DGKQ: variants seen among roughly 807,000 people sequenced by gnomAD.
The protein encoded by DGKQ is diacylglycerol kinase theta.
A neutral mutation model predicts 104.2 loss-of-function variants in DGKQ; 97 were observed. The ratio of observed to expected loss-of-function variants is 0.93; its 90% CI spans 0.79 to 1.10. DGKQ has a LOEUF of 1.10. Ranked by LOEUF, DGKQ falls within the 50% of genes least tolerant of loss-of-function variation. The pLI is 0.00. For synonymous variants in DGKQ, 736 were observed against 595.2 expected, an observed-to-expected ratio of 1.24 and a Z score of -3.44; for missense variants, 1,465 against 1,352.1, an observed-to-expected ratio of 1.08 and a Z score of -1.31.
At chr4:963,419 G>A in intron 15 of DGKQ, 129 bp from the exon 16 acceptor site, 1 of 779,628 alleles carries the variant, frequency 1.3e-6, no homozygotes, top group Non-Finnish European at 2.0e-6. Flanking sequence ...CCCCAGGAAG[G>A]CGTGGCCAGC....
rs768455749 is a variant in DGKQ, at chr4:961,638, G to A, written c.2462+50C>T. On this transcript the variant is annotated intron_variant, in intron 20 of 22. Transcript: ENST00000273814. ...TGCAGGCAGGACGAGGGCTGAGCCT[G>A]CCCATGGCCCCGCCGGGCAGAGCCT... 3.7e-6 allele frequency: 6 copies of A among 1,610,874 alleles called. No homozygotes were observed. The South Asian group carries it at 6.6e-5, about 18-fold the overall frequency.
intron 2 of DGKQ, among the ~76,000 whole-genome samples, chr4:970,112 T>G (rs572965451): frequency 2.0e-5 from 3 of 152,334 alleles, no homozygotes; most frequent in Admixed American, 6.5e-5. Flanking sequence ...GCCTAAGGCC[T>G]CCTGCTCACA....
At position 962,781 on chromosome 4, in the gene DGKQ, G is replaced by A. The variant is rs763389526; in HGVS notation, c.2026C>T (p.Leu676=). The A allele has an allele frequency of 1.1e-5, 18 of 1,605,474 alleles. No homozygotes were observed. The East Asian group carries it at 4.0e-4, about 36-fold the overall frequency. The change falls in exon 17 of 23, where the codon CTG becomes TTG. Residue 676 remains leucine (L), a synonymous_variant. Coordinates refer to ENST00000273814, the MANE Select transcript of DGKQ (RefSeq NM_001347.4). ...CPEPSVAILP[L]GTGNDLGRVL... ...GCACGGCTGAGCCCACCTGTGCCCAGGGGCAGGATGGCCACAGAAGGCTCC... is the reference window on the plus strand; with the variant it reads ...GCACGGCTGAGCCCACCTGTGCCCAAGGGCAGGATGGCCACAGAAGGCTCC...
chr4:960,780 C>A, intron 22 of DGKQ, 59 bp from the exon 23 acceptor site: 1 of 1,584,640 alleles, frequency 6.3e-7, no homozygotes. Flanking sequence ...GAACGGTACA[C>A]GGGCAGCCCC....
rs746674825 is a variant in DGKQ at position 961,833 on chromosome 4, G to A, written c.2317C>T (p.Leu773=). 9 of 1,597,772 alleles carry A rather than the reference G, an allele frequency of 5.6e-6. No individual in the cohort carries two copies. In the South Asian group the frequency reaches 9.0e-5, roughly 16 times the overall value. The change falls in exon 20 of 23, where the codon CTG becomes TTG. Residue 773 remains leucine, a splice_region_variant and synonymous_variant. Transcript: ENST00000273814. The part of the protein sequence containing the change: ...EEEPGKFTSR[L]HNKGVYVRVG... ...CGCACGTACACACCCTTGTTGTGCAGCCTGCAGGACGGGGCAGGTCACCCA... is the reference window on the plus strand; with the variant it reads ...CGCACGTACACACCCTTGTTGTGCAACCTGCAGGACGGGGCAGGTCACCCA...
At position 965,970 on chromosome 4, in the gene DGKQ, C is replaced by G; in HGVS notation, c.1537G>C (p.Glu513Gln). The change falls in exon 13 of 23, where the codon GAG becomes CAG. Residue 513 changes from glutamate (E) to glutamine (Q), a missense_variant. Glu to Gln is a conservative substitution (Grantham distance 29). Transcript: ENST00000273814. ...TCATGCAGCAGGCTGCTGTACTCCT[C>G]GGGAGACAGGCCGGGAGGCAGGCCG... Reference protein sequence around the residue: ...VGGLPPGLSPEEYSSLLHEAG... With the variant: ...VGGLPPGLSPQEYSSLLHEAG... 2 of 1,605,286 alleles carry G rather than the reference C, an allele frequency of 1.2e-6. No individual in the cohort carries two copies. Among genetic ancestry groups the G allele is most frequent in the Non-Finnish European group, 1.7e-6 (2 of 1,176,680 alleles).
intron 21 of DGKQ, 91 bp from the exon 22 acceptor site, chr4:961,292 G>T: frequency 1.6e-6 from 2 of 1,267,566 alleles, no homozygotes; most frequent in South Asian, 1.6e-5. Context: ...GCCGAGCAGG[G>T]ACCAGGGACG....
At chr4:961,667 G>A (rs762431978) in intron 20 of DGKQ, 21 bp downstream of exon 20, 9 of 1,612,016 alleles carry the variant, frequency 5.6e-6, no homozygotes, top group South Asian at 1.1e-5. Context: ...AGAGCCTCTG[G>A]GGAGCCCCGC....
intron 1 of DGKQ, among the ~76,000 whole-genome samples, chr4:972,228 C>T (rs754611172): frequency 6.6e-6 from 1 of 152,112 alleles, no homozygotes; most frequent in Non-Finnish European, 1.5e-5. Flanking sequence ...GCTGCCTCAG[C>T]CACACATGCA....
In DGKQ at chr4:962,502, G is replaced by A. The variant is rs771866239; in HGVS notation, c.2147C>T (p.Thr716Ile). ...AGCCTCGTGGGCATCCAGCAGGATG[G>A]TCCAGCGGTCCATGAGCACGGCGTC... ...EADAVLMDRW[T>I]ILLDAHEAGS... Residue 716 changes from threonine to isoleucine, a missense_variant, in exon 18 of 23, where the codon ACC becomes ATC. Transcript: ENST00000273814. 3 of 1,609,330 alleles carry A rather than the reference G, an allele frequency of 1.9e-6. No homozygotes were observed. Among genetic ancestry groups the A allele is most frequent in the Admixed American group, 1.7e-5 (1 of 59,986 alleles).
At chr4:970,252 C>G (rs562597493) in intron 2 of DGKQ, among the ~76,000 whole-genome samples, 1 of 152,266 alleles carries the variant, frequency 6.6e-6, no homozygotes, top group Non-Finnish European at 1.5e-5. Flanking sequence ...GCCTGCCTCG[C>G]GGCCTGCGCC....
At position 960,618 on chromosome 4, in the gene DGKQ, C is replaced by G; in HGVS notation, c.*2G>C. 1 of 1,610,386 alleles carries G rather than the reference C, an allele frequency of 6.2e-7. No homozygotes were observed. The highest frequency in any genetic ancestry group is 2.2e-5 in the East Asian group (1 of 44,838). On this transcript the variant is annotated 3_prime_UTR_variant, in exon 23 of 23. Transcript: ENST00000273814. ...CGAGCCCTTGGGCTGCCCCAGCCAC[C>G]CCTACCTAGGATCGCTCTCAGGGGC...
rs566191329 is a variant in DGKQ, at chr4:963,479, G to A, written c.1735-189C>T. Among the ~76,000 whole-genome samples, 227 of 152,238 alleles carry A rather than the reference G, an allele frequency of 1.5e-3. 1 individual carries two copies. The highest frequency in any genetic ancestry group is 2.1e-3 in the African/African-American group (88 of 41,544). ...ATGAGCTGCGTGGTCACCCCATCTC[G>A]CTGCTGGCCAGCAGGGCGGCACTGA... On this transcript the variant is annotated intron_variant, in intron 15 of 22. Transcript: ENST00000273814.
At chr4:972,267 C>T (rs949208499) in intron 1 of DGKQ, among the ~76,000 whole-genome samples, 1 of 152,116 alleles carries the variant, frequency 6.6e-6, no homozygotes, top group Admixed American at 6.5e-5. Flanking sequence ...AAGCCCCTGG[C>T]ATCCCCAGGC....
In DGKQ at chr4:967,773, C is replaced by G; in HGVS notation, c.841G>C (p.Ala281Pro). Residue 281 changes from alanine (A) to proline (P), a missense_variant, in exon 7 of 23, where the codon GCT (alanine) becomes CCT (proline). Physicochemically the swap from Ala to Pro is conservative, Grantham distance 27. Transcript: ENST00000273814. The stretch of plus-strand genomic sequence containing the variant: ...GTCTCTCTGCCTGGACCCACGGCAG[C>G]GCTCCCGTCGGCGCCGTCGCCCCCC... Reference protein sequence around the residue: ...GEGGDGADGSAAVGPGRETQA... With the variant: ...GEGGDGADGSPAVGPGRETQA... 1 of 1,607,204 alleles carries G rather than the reference C, an allele frequency of 6.2e-7. No homozygotes were observed.
At chr4:968,455 G>T (rs1272927258) in intron 4 of DGKQ, 24 bp downstream of exon 4, 14 of 1,596,548 alleles carry the variant, frequency 8.8e-6, no homozygotes, top group Non-Finnish European at 1.1e-5. Flanking sequence ...ACCCCCCAGG[G>T]CTCCCTGGGG....
Position 961,121 on chromosome 4 carries a change from G to A in DGKQ, c.2655C>T (p.Thr885=), listed in dbSNP as rs1298047547. 1.9e-6 allele frequency: 3 copies of A among 1,610,982 alleles called. No homozygotes were observed. Among genetic ancestry groups the A allele is most frequent in the African/African-American group, 2.7e-5 (2 of 74,960 alleles). The part of the protein sequence containing the change: ...SYFRVTLLKA[T]PVQVDGEPWV... ...AGGGCTCCCCGTCCACCTGCACCGG[G>A]GTGGCCTTGAGGAGCGTGACTCGGA... is the stretch of plus-strand genomic sequence containing the variant. Residue 885 remains threonine, a synonymous_variant, in exon 22 of 23, where the codon ACC becomes ACT. Transcript: ENST00000273814.
intron 5 of DGKQ, 41 bp from the exon 6 acceptor site, chr4:968,068 G>A (rs1712577822): frequency 7.3e-7 from 1 of 1,365,588 alleles, no homozygotes; most frequent in Non-Finnish European, 9.5e-7. Context: ...TGGAGCCAGG[G>A]TGCGGGGGCA....
chr4:962,939 T>C lies in DGKQ; in HGVS notation c.1887-19A>G. 1.2e-6 allele frequency: 2 copies of C among 1,601,278 alleles called. No homozygotes were observed. Among genetic ancestry groups the C allele is most frequent in the South Asian group, 1.1e-5 (1 of 89,130 alleles). On this transcript the variant is annotated intron_variant, in intron 16 of 22. Coordinates refer to ENST00000273814, the MANE Select transcript of DGKQ (RefSeq NM_001347.4). ...GTGGAGCCTAGCGGGAGACAGGAAG[T>C]GTCCTCTACCAGCTGCGGGCGCAGC...
Sources: allele counts gnomAD v4.1 joint callset (sites outside exome capture counted in the v4.1 genomes callset), GRCh38; gene constraint gnomAD v4.1.1; transcripts MANE v1.5; gene names NCBI Gene and HGNC (gene_info 2026-07-23, HGNC 2026-07-21).